Variants in RNASE9 observed in about 807,000 individuals in gnomAD.
The protein encoded by RNASE9 is ribonuclease A family member 9 (inactive), also known as inactive ribonuclease-like protein 9.
For synonymous variants in RNASE9, 95 were observed against 87.6 expected (o/e 1.08, Z -0.47); for missense variants, 263 against 247.1 (o/e 1.06, Z -0.43).
exon 3 of RNASE9, chr14:20,556,218 T>C (rs562963024): frequency 3.0e-5 from 14 of 463,116 alleles, no homozygotes; most frequent in African/African-American, 2.5e-4. Context: ...TGCAGGCATC[T>C]GTATCCGTAA....
chr14:20,556,413 A>C (rs1387916033), exon 3 of RNASE9: 7 of 1,428,224 alleles, frequency 4.9e-6, no homozygotes. Context: ...GTATGGAGAG[A>C]AATATTCCTC....
In RNASE9 at chr14:20,556,346, G is replaced by GTGA. The variant is rs1276588063; in HGVS notation, c.*103_*105dup. 18 of 802,300 alleles carry GTGA rather than the reference G, an allele frequency of 2.2e-5. No homozygotes were observed. In the South Asian group the frequency reaches 3.2e-4, roughly 14 times the overall value. The allele number at this position is 802,300 out of a possible 1,614,324, so 49.7% of individuals were successfully genotyped here. Reference sequence around the variant, plus strand: ...TTGGGAAAGGAAGAAAGGAAGGTGGGTGATTAAAGTGAATGGAAGCAAAAT... The same window carrying GTGA: ...TTGGGAAAGGAAGAAAGGAAGGTGGGTGATGATTAAAGTGAATGGAAGCAAAAT... On this transcript the variant is annotated 3_prime_UTR_variant, in exon 3 of 3. Transcript: ENST00000555230.
exon 3 of RNASE9, chr14:20,556,548 C>T: frequency 6.2e-7 from 1 of 1,613,794 alleles, no homozygotes; most frequent in Non-Finnish European, 8.5e-7. Context: ...TACGTTTTTG[C>T]ATTTCATTTT....
At chr14:20,558,291 T>G in exon 3 of RNASE9, 1 of 584,944 alleles carries the variant, frequency 1.7e-6, no homozygotes, top group Non-Finnish European at 3.1e-6. Context: ...CAGCCTCCTG[T>G]TCTAGGCTGG....
exon 3 of RNASE9, chr14:20,556,955 C>A (rs866960668): frequency 5.0e-6 from 8 of 1,613,916 alleles, no homozygotes; most frequent in African/African-American, 1.3e-5. Context: ...TCTTTTTTAT[C>A]TTCTTCTGGG....
intron 1 of RNASE9, chr14:20,560,257 TATA>T (rs1883900514): frequency 6.6e-6 from 1 of 152,136 alleles, no homozygotes; most frequent in African/African-American, 2.4e-5. Context: ...ATCATGATCA[TATA>T]ATAATTATAT....
At chr14:20,560,644 G>C (rs550550777) in intron 1 of RNASE9, among the ~76,000 whole-genome samples, 48 of 151,952 alleles carry the variant, frequency 3.2e-4, no homozygotes, top group Middle Eastern at 3.4e-3. Flanking sequence ...TATTATAAGA[G>C]CTAATATTTA....
At chr14:20,556,803 T>A in exon 3 of RNASE9, 1 of 1,613,874 alleles carries the variant, frequency 6.2e-7, no homozygotes. Context: ...AAACATTTTT[T>A]CCCATGATTT....
intron 2 of RNASE9, chr14:20,558,731 A>G (rs1160756556): frequency 5.4e-6 from 4 of 742,826 alleles, no homozygotes; most frequent in African/African-American, 1.7e-5. Context: ...TCCCGAGAAC[A>G]TGCACAGGGC....
At chr14:20,557,355 A>G in exon 3 of RNASE9, 1 of 362,200 alleles carries the variant, frequency 2.8e-6, no homozygotes, top group East Asian at 4.3e-5. Context: ...GAGGAAGAAA[A>G]GGAAACAAGG....
exon 3 of RNASE9, chr14:20,558,267 G>C (rs1221943324): frequency 7.2e-6 from 4 of 556,722 alleles, no homozygotes; most frequent in Non-Finnish European, 1.3e-5. Context: ...TGATCTATCA[G>C]TGATGGAGAT....
At chr14:20,557,301 G>C (rs1883746631) in exon 3 of RNASE9, 1 of 440,564 alleles carries the variant, frequency 2.3e-6, no homozygotes, top group Non-Finnish European at 4.0e-6. Context: ...GAGAAGAAAA[G>C]GTGAAAGGAA....
chr14:20,559,074 G>T (rs930813449), intron 2 of RNASE9, among the ~76,000 whole-genome samples: 2 of 150,860 alleles, frequency 1.3e-5, no homozygotes, highest in Admixed American at 6.6e-5. Context: ...ACAGTTTATT[G>T]TGTTTTGATA....
exon 3 of RNASE9, chr14:20,556,818 G>T: frequency 6.2e-7 from 1 of 1,613,976 alleles, no homozygotes; most frequent in Non-Finnish European, 8.5e-7. Flanking sequence ...TGATTTCATG[G>T]TTACAGTACT....
At chr14:20,556,988 C>T in exon 3 of RNASE9, 2 of 1,614,132 alleles carry the variant, frequency 1.2e-6, no homozygotes, top group Non-Finnish European at 1.7e-6. Context: ...GTATCCACCT[C>T]TTGAAACTGC....
chr14:20,556,279 A>G (rs918758678), exon 3 of RNASE9: 1 of 577,522 alleles, frequency 1.7e-6, no homozygotes, highest in African/African-American at 1.9e-5. Flanking sequence ...CACATCTCAG[A>G]GCACCGTCTG....
chr14:20,558,761 G>T, intron 2 of RNASE9: 1 of 630,866 alleles, frequency 1.6e-6, no homozygotes. Flanking sequence ...ATACTCTTTT[G>T]TTTTTTAAAT....
chr14:20,558,410 G>A (rs1883801316), exon 3 of RNASE9: 5 of 715,620 alleles, frequency 7.0e-6, no homozygotes, highest in African/African-American at 5.3e-5. Flanking sequence ...GTTGAGCATA[G>A]GAGTGCAGAG....
chr14:20,558,562 G>C (rs1236307840), exon 3 of RNASE9: 2 of 1,550,516 alleles, frequency 1.3e-6, no homozygotes, highest in Non-Finnish European at 1.7e-6. Flanking sequence ...CCTCCAGGAA[G>C]TCTCTTCAAA....
Sources: allele counts gnomAD v4.1 joint callset (sites outside exome capture counted in the v4.1 genomes callset), GRCh38; gene constraint gnomAD v4.1.1; transcripts MANE v1.5; gene names NCBI Gene and HGNC (gene_info 2026-07-23, HGNC 2026-07-21).